PTPRS: variants seen among roughly 807,000 people sequenced by gnomAD.
The protein encoded by PTPRS is protein tyrosine phosphatase receptor type S, also known as receptor-type tyrosine-protein phosphatase S.
PTPRS carries 63 observed loss-of-function variants against 215.3 expected under a neutral mutation model. The observed-to-expected ratio is 0.29, with a 90% CI of 0.24 to 0.36. PTPRS has a LOEUF of 0.36. Ranked by LOEUF, PTPRS falls within the 10% of genes least tolerant of loss-of-function variation. The pLI is 1.00. For synonymous variants in PTPRS, 1,404 were observed against 1,191.4 expected (o/e 1.18, Z -3.68); for missense variants, 2,258 against 2,825.8 (o/e 0.80, Z 4.56).
rs1486179811 is a variant in PTPRS, at chr19:5,287,576, G to A, written c.-94-1342C>T. 6.6e-6 allele frequency among the ~76,000 whole-genome samples: 1 copy of A among 152,166 alleles called. No homozygotes were observed. Among genetic ancestry groups the A allele is most frequent in the African/African-American group, 2.4e-5 (1 of 41,448 alleles). Reference sequence around the variant, plus strand: ...CAGGCTGGCACCCATGCCAGCCCATGCCCTGGGCGGGTCCAGGCCGTGACC... The same window carrying A: ...CAGGCTGGCACCCATGCCAGCCCATACCCTGGGCGGGTCCAGGCCGTGACC... On this transcript the variant is annotated intron_variant, in intron 1 of 37. Transcript: ENST00000262963. The surrounding 1 kb of genome is among the most constrained non-coding windows in gnomAD (Gnocchi z 4.8).
chr19:5,211,506 C>G (rs151021716), intron 33 of PTPRS, 84 bp downstream of exon 33: 434 of 1,404,228 alleles, frequency 3.1e-4, no homozygotes, highest in Admixed American at 3.4e-4. Flanking sequence ...CTCCCCAGCT[C>G]TGTCTCCCAC....
intron 4 of PTPRS, 120 bp downstream of exon 4, chr19:5,273,322 A>T: frequency 7.1e-7 from 1 of 1,407,518 alleles, no homozygotes; most frequent in Non-Finnish European, 1.0e-6. Context: ...AGGGAGATCA[A>T]GGTCCTCCCA....
At chr19:5,305,765 A>ATT (rs144512818) in intron 1 of PTPRS, among the ~76,000 whole-genome samples, 1,114 of 93,358 alleles carry the variant, frequency 0.012, 24 homozygotes, top group African/African-American at 0.045. Flanking sequence ...ATATATATAT[A>ATT]TTTTTTTTTT....
At chr19:5,316,388 T>C (rs1181678041) in intron 1 of PTPRS, among the ~76,000 whole-genome samples, 1 of 152,064 alleles carries the variant, frequency 6.6e-6, no homozygotes, top group Non-Finnish European at 1.5e-5. Flanking sequence ...TGGGTTTTTT[T>C]TTCTTTCTTT....
chr19:5,260,155 C>G (rs573630853), intron 7 of PTPRS, among the ~76,000 whole-genome samples: 1 of 151,764 alleles, frequency 6.6e-6, no homozygotes, highest in Non-Finnish European at 1.5e-5. Context: ...AGCTGGAAGG[C>G]CCACTTTGCA....
chr19:5,296,321 G>A (rs1248514712), intron 1 of PTPRS, among the ~76,000 whole-genome samples: 1 of 152,104 alleles, frequency 6.6e-6, no homozygotes, highest in Admixed American at 6.6e-5. Flanking sequence ...GGGCAATATA[G>A]CCCATCATCT....
intron 9 of PTPRS, among the ~76,000 whole-genome samples, chr19:5,248,310 AAAAG>A (rs1457837304): frequency 5.3e-5 from 8 of 152,302 alleles, no homozygotes; most frequent in Middle Eastern, 3.4e-3. Flanking sequence ...GCAATTTAAA[AAAAG>A]AAAGAGAGAA....
In PTPRS at chr19:5,232,349, G is replaced by T. The variant is rs554049276; in HGVS notation, c.1850-734C>A. Among the ~76,000 whole-genome samples, 11 of 147,662 alleles carry T rather than the reference G, an allele frequency of 7.4e-5. No individual in the cohort carries two copies. In the South Asian group the frequency reaches 2.4e-3, roughly 32 times the overall value. On this transcript the variant is annotated intron_variant, in intron 13 of 37. Transcript: ENST00000262963. ...TTATTAGGCACCTATTATGTGCCAGGCACCATACCAAGGGGAATGGCAGCA... is the reference window on the plus strand; with the variant it reads ...TTATTAGGCACCTATTATGTGCCAGTCACCATACCAAGGGGAATGGCAGCA...
At chr19:5,332,214 G>A (rs1386133907) in intron 1 of PTPRS, among the ~76,000 whole-genome samples, 1 of 151,612 alleles carries the variant, frequency 6.6e-6, no homozygotes, top group Admixed American at 6.6e-5. Flanking sequence ...TGCAACCTCC[G>A]CCTCCCAGGT....
Position 5,210,349 on chromosome 19 carries a change from T to G in PTPRS, c.5487+120A>C. ...AAGTGGCCAACTGGTCAGCTGACAC[T>G]TCTCCTGATTCCCAATGCTTATGCC... On this transcript the variant is annotated intron_variant, in intron 35 of 37. Coordinates refer to ENST00000262963, the MANE Select transcript of PTPRS (RefSeq NM_002850.4). This position sits in a 1 kb window ranked among gnomAD's most constrained non-coding sequence, Gnocchi z 4.5. 1 of 1,441,068 alleles carries G rather than the reference T, an allele frequency of 6.9e-7. No homozygotes were observed. The highest frequency in any genetic ancestry group is 1.4e-5 in the African/African-American group (1 of 71,450). The allele number at this position is 1,441,068 out of a possible 1,614,324, so 89.3% of individuals were successfully genotyped here. A position where few individuals can be genotyped will look rare whatever the true frequency, so the allele number is the denominator to read the frequency against.
intron 1 of PTPRS, among the ~76,000 whole-genome samples, chr19:5,297,146 T>C (rs944293270): frequency 3.9e-5 from 6 of 152,080 alleles, no homozygotes; most frequent in African/African-American, 1.2e-4. Flanking sequence ...TCCAAAAACG[T>C]TCCATTGATA....
Position 5,293,641 on chromosome 19 carries a change from A to G in PTPRS, c.-94-7407T>C, listed in dbSNP as rs1474429811. Among the ~76,000 whole-genome samples, 3 of 151,598 alleles carry G rather than the reference A, an allele frequency of 2.0e-5. No individual in the cohort carries two copies. Among genetic ancestry groups the G allele is most frequent in the African/African-American group, 7.3e-5 (3 of 41,234 alleles). On this transcript the variant is annotated intron_variant, in intron 1 of 37. Transcript: ENST00000262963. The surrounding 1 kb of genome is among the most constrained non-coding windows in gnomAD (Gnocchi z 8.4). ...GGGCTCCCCAAACACACCCAACTACAGGAGGTCGGAGAAGGGGCAGAGTTC... is the reference window on the plus strand; with the variant it reads ...GGGCTCCCCAAACACACCCAACTACGGGAGGTCGGAGAAGGGGCAGAGTTC...
At chr19:5,285,490 G>A (rs2048269102) in intron 2 of PTPRS, among the ~76,000 whole-genome samples, 1 of 152,184 alleles carries the variant, frequency 6.6e-6, no homozygotes, top group African/African-American at 2.4e-5. Context: ...TTTTCTATCG[G>A]CGAACTCCTA....
At position 5,240,570 on chromosome 19, in the gene PTPRS, T is replaced by TG. The variant is rs201238442; in HGVS notation, c.1571-239dup. ...AAATCCCCCTTTCGGCCGGGCACGGTGGCTCACGCCTGTAATCCCAGCACT... is the reference window on the plus strand; with the variant it reads ...AAATCCCCCTTTCGGCCGGGCACGGTGGGCTCACGCCTGTAATCCCAGCACT... On this transcript the variant is annotated intron_variant, in intron 11 of 37. Coordinates refer to ENST00000262963, the MANE Select transcript of PTPRS (RefSeq NM_002850.4). Among the ~76,000 whole-genome samples, 400 of 152,196 alleles carry TG rather than the reference T, an allele frequency of 2.6e-3. 12 individuals are homozygous for TG. The highest frequency in any genetic ancestry group is 0.023 in the Admixed American group (345 of 15,282).
intron 9 of PTPRS, among the ~76,000 whole-genome samples, chr19:5,250,299 G>A (rs779727234): frequency 6.6e-5 from 10 of 152,174 alleles, no homozygotes; most frequent in Non-Finnish European, 1.2e-4. Context: ...CCTCCCTGGC[G>A]GCCTTGTAAG....
At chr19:5,310,866 C>T (rs1465727897) in intron 1 of PTPRS, among the ~76,000 whole-genome samples, 1 of 151,976 alleles carries the variant, frequency 6.6e-6, no homozygotes, top group African/African-American at 2.4e-5. Flanking sequence ...CCACCACACC[C>T]GGCTAATTTT....
intron 1 of PTPRS, among the ~76,000 whole-genome samples, chr19:5,324,226 C>CAAAAAAAAAAAAAAA (rs55793961): frequency 1.4e-5 from 1 of 73,864 alleles, no homozygotes; most frequent in African/African-American, 5.1e-5. Context: ...AACCCTGCCT[C>CAAAAAAAAAAAAAAA]AAAAAAAAAA....
chr19:5,324,287 C>T (rs528984192), intron 1 of PTPRS, among the ~76,000 whole-genome samples: 1 of 147,570 alleles, frequency 6.8e-6, no homozygotes, highest in East Asian at 2.0e-4. Flanking sequence ...GGCCTGTGTA[C>T]AGTACTCAGC....
rs201493701 is a variant in PTPRS at position 5,216,736 on chromosome 19, C to T, written c.4080G>A (p.Pro1360=). ...DSGLRSPLRE[P]GFHFESMLSH... The stretch of plus-strand genomic sequence containing the variant: ...AGAACTAACTTTCAAAGTGAAACCC[C>T]GGCTCCCTGAGGGGGCTCCTGAGGC... Residue 1360 remains proline, a synonymous_variant, in exon 26 of 38, where the codon CCG becomes CCA. Coordinates refer to ENST00000262963, the MANE Select transcript of PTPRS (RefSeq NM_002850.4). 3.0e-5 allele frequency: 48 copies of T among 1,577,438 alleles called. No individual in the cohort carries two copies. The African/African-American group carries it at 3.2e-4, about 11-fold the overall frequency.
Sources: allele counts gnomAD v4.1 joint callset (sites outside exome capture counted in the v4.1 genomes callset), GRCh38; gene constraint gnomAD v4.1.1; non-coding constraint Gnocchi (gnomAD v3.1); transcripts MANE v1.5; gene names NCBI Gene and HGNC (gene_info 2026-07-23, HGNC 2026-07-21).